Variants in NKD1 observed in about 807,000 individuals in gnomAD.
NKD1 encodes protein naked cuticle homolog 1.
Under a neutral mutation model 56.0 loss-of-function variants are expected in NKD1, and 21 were observed. That is an observed-to-expected ratio of 0.38 (90% confidence interval 0.27 to 0.54). The LOEUF is 0.54. NKD1 is among the 20% of genes least tolerant of loss of function. NKD1 has a pLI of 0.82. For synonymous variants in NKD1, 263 were observed against 265.7 expected, an observed-to-expected ratio of 0.99 and a Z score of 0.10; for missense variants, 578 against 642.7, an observed-to-expected ratio of 0.90 and a Z score of 1.09.
chr16:50,600,371 G>C (rs1413513506), intron 3 of NKD1, among the ~76,000 whole-genome samples: 1 of 151,842 alleles, frequency 6.6e-6, no homozygotes, highest in African/African-American at 2.4e-5. Context: ...AGATACTCAG[G>C]AGAGTCACTT....
chr16:50,597,866 C>T lies in NKD1; in HGVS notation c.193-10428C>T, dbSNP rs140781350. On this transcript the variant is annotated intron_variant, in intron 3 of 9. Coordinates refer to ENST00000268459, the MANE Select transcript of NKD1 (RefSeq NM_033119.5). ...CGAACTGCTGAGTTTCAGAATGAAC[C>T]GAGTCCTCTGGAAGCCGCCAGTGTG... is the stretch of plus-strand genomic sequence containing the variant. 4.3e-3 allele frequency among the ~76,000 whole-genome samples: 657 copies of T among 152,284 alleles called. 3 individuals are homozygous for T. The highest frequency in any genetic ancestry group is 0.015 in the African/African-American group (625 of 41,544).
chr16:50,566,002 G>A (rs781120089), intron 3 of NKD1: 13 of 213,662 alleles, frequency 6.1e-5, no homozygotes, highest in Non-Finnish European at 5.6e-5. Flanking sequence ...CTGTGCCCCC[G>A]ACACACACTG....
At chr16:50,612,741 G>A (rs1567349021) in intron 4 of NKD1, among the ~76,000 whole-genome samples, 1 of 152,126 alleles carries the variant, frequency 6.6e-6, no homozygotes, top group African/African-American at 2.4e-5. Context: ...TGGTGTTTGG[G>A]GAAGAACAAA....
chr16:50,587,678 A>G (rs994797200), intron 3 of NKD1, among the ~76,000 whole-genome samples: 2 of 152,174 alleles, frequency 1.3e-5, no homozygotes, highest in African/African-American at 4.8e-5. Flanking sequence ...TGAATCAGTA[A>G]ATGGAATCCC....
chr16:50,558,337 A>G (rs1960547126), intron 3 of NKD1: 1 of 152,208 alleles, frequency 6.6e-6, no homozygotes, highest in African/African-American at 2.4e-5. Context: ...TGAGTATCAT[A>G]TGGACTCAAC....
chr16:50,581,343 T>C (rs1395453646), intron 3 of NKD1, among the ~76,000 whole-genome samples: 4 of 152,238 alleles, frequency 2.6e-5, no homozygotes, highest in Admixed American at 2.0e-4. Context: ...ATCTGGAATA[T>C]GGAGTTTTCG....
In NKD1 at chr16:50,630,915, G is replaced by A. The variant is rs966482174; in HGVS notation, c.695+5G>A. 1.6e-5 allele frequency: 25 copies of A among 1,572,194 alleles called. No homozygotes were observed. The highest frequency in any genetic ancestry group is 2.0e-5 in the Non-Finnish European group (23 of 1,157,504). On this transcript the variant is annotated splice_donor_5th_base_variant and intron_variant, in intron 8 of 9. Coordinates refer to ENST00000268459, the MANE Select transcript of NKD1 (RefSeq NM_033119.5). Reference sequence around the variant, plus strand: ...GAAGCAGCGAGCCCCGCTCAGGTATGTGGGCATGGTGCACATGAGCATATG... The same window carrying A: ...GAAGCAGCGAGCCCCGCTCAGGTATATGGGCATGGTGCACATGAGCATATG...
chr16:50,594,954 T>C (rs1360750899), intron 3 of NKD1, among the ~76,000 whole-genome samples: 1 of 152,182 alleles, frequency 6.6e-6, no homozygotes, highest in Non-Finnish European at 1.5e-5. Flanking sequence ...GCTTGAGAAG[T>C]CCACGCAGCA....
At chr16:50,606,616 G>C (rs546422259) in intron 3 of NKD1, 1 of 369,466 alleles carries the variant, frequency 2.7e-6, no homozygotes, top group Admixed American at 3.2e-5. Context: ...TGCCTTGTTG[G>C]TGGCGATGTC....
intron 3 of NKD1, among the ~76,000 whole-genome samples, chr16:50,587,579 A>T (rs1028526562): frequency 2.0e-5 from 3 of 152,220 alleles, no homozygotes; most frequent in African/African-American, 7.2e-5. Context: ...GATCTGAAAG[A>T]AGGTGTGGGT....
intron 4 of NKD1, among the ~76,000 whole-genome samples, chr16:50,611,630 G>A (rs930233622): frequency 4.6e-5 from 7 of 152,292 alleles, no homozygotes; most frequent in East Asian, 3.9e-4. Flanking sequence ...AGCAGCACTC[G>A]GGGAGCTCGG....
In NKD1 at chr16:50,637,533, A is replaced by G. The variant is rs1962494330; in HGVS notation, c.*3752A>G. On this transcript the variant is annotated 3_prime_UTR_variant, in exon 10 of 10. Coordinates refer to ENST00000268459, the MANE Select transcript of NKD1 (RefSeq NM_033119.5). ...CAGTGAGCTAAGATTGCACCACTGTACTCCAGCCTGGGCGACAGAGTGAGA... is the reference window on the plus strand; with the variant it reads ...CAGTGAGCTAAGATTGCACCACTGTGCTCCAGCCTGGGCGACAGAGTGAGA... 1 of 152,178 alleles carries G rather than the reference A, an allele frequency of 6.6e-6. No homozygotes were observed. The highest frequency in any genetic ancestry group is 2.4e-5 in the African/African-American group (1 of 41,412). The allele number at this position is 152,178 out of a possible 1,614,324, so 9.4% of individuals were successfully genotyped here. A position where few individuals can be genotyped will look rare whatever the true frequency, so the allele number is the denominator to read the frequency against.
At chr16:50,553,065 TA>T (rs1416732848) in intron 3 of NKD1, among the ~76,000 whole-genome samples, 1 of 152,014 alleles carries the variant, frequency 6.6e-6, no homozygotes. Flanking sequence ...GAAAGCAAAA[TA>T]AGCATCATAA....
At chr16:50,599,841 A>G (rs1289386806) in intron 3 of NKD1, among the ~76,000 whole-genome samples, 2 of 152,170 alleles carry the variant, frequency 1.3e-5, no homozygotes, top group African/African-American at 4.8e-5. Context: ...CAGCAGTTTG[A>G]GATCAGGGAG....
chr16:50,625,057 G>T (rs1348621286), intron 5 of NKD1, among the ~76,000 whole-genome samples: 1 of 152,140 alleles, frequency 6.6e-6, no homozygotes, highest in Non-Finnish European at 1.5e-5. Context: ...GCAGGGGCTG[G>T]ATCCCGGGGC....
rs1346958153 is a variant in NKD1 at position 50,633,422 on chromosome 16, C to G, written c.1054C>G (p.Gln352Glu). The change falls in exon 10 of 10, where the codon CAG becomes GAG. Residue 352 changes from glutamine (Q) to glutamate (E), a missense_variant. Transcript: ENST00000268459. This position sits in a 1 kb window ranked among gnomAD's most constrained non-coding sequence, Gnocchi z 4.9. ...SKHFVRSPKA[Q>E]GKSVGVGHVA... Reference sequence around the variant, plus strand: ...GCACTTTGTGAGGTCCCCCAAGGCCCAGGGCAAGAGTGTGGGTGTGGGCCA... The same window carrying G: ...GCACTTTGTGAGGTCCCCCAAGGCCGAGGGCAAGAGTGTGGGTGTGGGCCA... The G allele has an allele frequency of 1.2e-6, 2 of 1,612,962 alleles. No individual in the cohort carries two copies. The highest frequency in any genetic ancestry group is 1.7e-6 in the Non-Finnish European group (2 of 1,179,414).
At chr16:50,624,374 T>C (rs1047434108) in intron 5 of NKD1, among the ~76,000 whole-genome samples, 2 of 152,194 alleles carry the variant, frequency 1.3e-5, no homozygotes, top group African/African-American at 4.8e-5. Context: ...TTCAGGTTGC[T>C]GAAAATGATA....
rs1962622400 is a variant in NKD1, at chr16:50,643,615, T to C, written c.*9834T>C. The stretch of plus-strand genomic sequence containing the variant: ...ATTCTCACTCATCGCAGTAGTTACA[T>C]CTTATAAAGTCACCTCTGACACTGA... On this transcript the variant is annotated 3_prime_UTR_variant, in exon 10 of 10. Transcript: ENST00000268459. 6.6e-6 allele frequency: 1 copy of C among 152,240 alleles called. No individual in the cohort carries two copies. The highest frequency in any genetic ancestry group is 2.1e-4 in the South Asian group (1 of 4,828). The allele number at this position is 152,240 out of a possible 1,614,324, so 9.4% of individuals were successfully genotyped here.
intron 3 of NKD1, among the ~76,000 whole-genome samples, chr16:50,597,298 G>A (rs962485799): frequency 1.3e-5 from 2 of 152,086 alleles, no homozygotes. Context: ...AGGCACTGGG[G>A]AGGACAGGTT....
Sources: allele counts gnomAD v4.1 joint callset (sites outside exome capture counted in the v4.1 genomes callset), GRCh38; gene constraint gnomAD v4.1.1; non-coding constraint Gnocchi (gnomAD v3.1); transcripts MANE v1.5; gene names NCBI Gene and HGNC (gene_info 2026-07-23, HGNC 2026-07-21).